Variants in NR3C2 observed in about 807,000 individuals in gnomAD.
NR3C2 encodes the protein nuclear receptor subfamily 3 group C member 2, also known as mineralocorticoid receptor.
A neutral mutation model predicts 86.4 loss-of-function variants in NR3C2; 15 were observed. That is an observed-to-expected ratio of 0.17 (90% CI 0.12 to 0.27). The LOEUF is 0.27. Ranked by LOEUF, NR3C2 falls within the 10% of genes least tolerant of loss-of-function variation. The probability of loss-of-function intolerance (pLI) is 1.00; values close to 1 mark genes in which losing one functional copy is unlikely to be tolerated. For synonymous variants in NR3C2, 458 were observed against 450.5 expected (o/e 1.02, Z -0.21); for missense variants, 960 against 1,195.6 (o/e 0.80, Z 2.91).
At chr4:148,273,867 T>C (rs751320934) in intron 2 of NR3C2, among the ~76,000 whole-genome samples, 22 of 152,152 alleles carry the variant, frequency 1.4e-4, no homozygotes, top group Non-Finnish European at 2.2e-4. Context: ...GATCCTGCAG[T>C]GTGCACAGGG....
chr4:148,104,346 T>TGG (rs1731693180), intron 8 of NR3C2, among the ~76,000 whole-genome samples: 3 of 62,380 alleles, frequency 4.8e-5, no homozygotes, highest in East Asian at 7.0e-4. Context: ...GGTTTGGTTT[T>TGG]TTTTTTTTTT....
intron 2 of NR3C2, among the ~76,000 whole-genome samples, chr4:148,329,882 A>C (rs1744148334): frequency 6.6e-6 from 1 of 152,248 alleles, no homozygotes; most frequent in South Asian, 2.1e-4. Context: ...ATGTTAGTTT[A>C]ACTTGAAACC....
chr4:148,396,258 A>AATTTCATAT (rs1203884422), intron 2 of NR3C2, among the ~76,000 whole-genome samples: 1 of 152,214 alleles, frequency 6.6e-6, no homozygotes, highest in Admixed American at 6.5e-5. Flanking sequence ...GCAGCACATA[A>AATTTCATAT]ATTTCATATA....
At chr4:148,115,908 TTTATTTTAAAA>T (rs753098171) in intron 7 of NR3C2, among the ~76,000 whole-genome samples, 33 of 152,146 alleles carry the variant, frequency 2.2e-4, no homozygotes, top group Non-Finnish European at 4.7e-4. Context: ...TCCTGAAAAC[TTTATTTTAAAA>T]GTAAAAAAAC....
intron 2 of NR3C2, among the ~76,000 whole-genome samples, chr4:148,282,951 A>C (rs1218128525): frequency 6.6e-6 from 1 of 152,206 alleles, no homozygotes; most frequent in Non-Finnish European, 1.5e-5. Flanking sequence ...AGGGAATATG[A>C]GGAATACAAA....
chr4:148,281,189 C>G (rs1741218757), intron 2 of NR3C2, among the ~76,000 whole-genome samples: 2 of 152,174 alleles, frequency 1.3e-5, no homozygotes. Flanking sequence ...GAGGAGCAGA[C>G]TGTGGTACTA....
intron 2 of NR3C2, among the ~76,000 whole-genome samples, chr4:148,339,184 A>G (rs1273641955): frequency 6.6e-6 from 1 of 152,214 alleles, no homozygotes; most frequent in Non-Finnish European, 1.5e-5. Context: ...GCAGACGATC[A>G]GCCTGGAAGG....
At chr4:148,137,003 G>C (rs761089642) in intron 6 of NR3C2, among the ~76,000 whole-genome samples, 1 of 152,178 alleles carries the variant, frequency 6.6e-6, no homozygotes, top group Non-Finnish European at 1.5e-5. Context: ...ACTGACTGGC[G>C]AAAGGCTGGT....
Position 148,192,238 on chromosome 4 carries a change from G to A in NR3C2, c.2014+2508C>T, listed in dbSNP as rs7699209. Among the ~76,000 whole-genome samples, 158 of 152,298 alleles carry A rather than the reference G, an allele frequency of 1.0e-3. 2 individuals carry two copies. The highest frequency in any genetic ancestry group is 3.8e-3 in the African/African-American group (156 of 41,574). On this transcript the variant is annotated intron_variant, in intron 4 of 8. Transcript: ENST00000358102. ...GATGTGGTTTCCTGTGAGCCAAACT[G>A]CAGTGATTGTTGTCTCTCTTCTAGC... is the stretch of plus-strand genomic sequence containing the variant.
intron 2 of NR3C2, among the ~76,000 whole-genome samples, chr4:148,324,129 C>T (rs1743815818): frequency 6.6e-6 from 1 of 152,078 alleles, no homozygotes; most frequent in Non-Finnish European, 1.5e-5. Flanking sequence ...CCAGAGAAAA[C>T]AGCATCAACC....
chr4:148,210,008 T>C (rs116534903), intron 3 of NR3C2, among the ~76,000 whole-genome samples: 1,779 of 152,252 alleles, frequency 0.012, 13 homozygotes, highest in Non-Finnish European at 0.02. Flanking sequence ...GGTGCAACTT[T>C]CCCTTGGGCT....
intron 2 of NR3C2, among the ~76,000 whole-genome samples, chr4:148,402,485 C>A (rs190423075): frequency 2.7e-3 from 417 of 152,330 alleles, no homozygotes; most frequent in Non-Finnish European, 5.4e-3. Flanking sequence ...CATAATTTCA[C>A]ACAAAGTATC....
intron 2 of NR3C2, among the ~76,000 whole-genome samples, chr4:148,425,376 G>T (rs1053353564): frequency 6.6e-6 from 1 of 152,206 alleles, no homozygotes; most frequent in Non-Finnish European, 1.5e-5. Context: ...GACAAAGAAG[G>T]TGATGTGTTA....
intron 4 of NR3C2, among the ~76,000 whole-genome samples, chr4:148,166,777 T>C (rs1734898621): frequency 1.3e-5 from 2 of 151,458 alleles, no homozygotes; most frequent in Non-Finnish European, 2.9e-5. Flanking sequence ...GATTGAACAA[T>C]AGACTTGGAT....
At chr4:148,414,473 A>G (rs1425793262) in intron 2 of NR3C2, among the ~76,000 whole-genome samples, 1 of 152,208 alleles carries the variant, frequency 6.6e-6, no homozygotes, top group Non-Finnish European at 1.5e-5. Context: ...ATAAAGAGAT[A>G]AATAAGGCAT....
At chr4:148,413,761 A>C (rs1386004974) in intron 2 of NR3C2, among the ~76,000 whole-genome samples, 2 of 152,170 alleles carry the variant, frequency 1.3e-5, no homozygotes, top group Non-Finnish European at 2.9e-5. Context: ...TTCACATTTA[A>C]ATTACAAATG....
Position 148,328,197 on chromosome 4 carries a change from C to T in NR3C2, c.1758-68080G>A, listed in dbSNP as rs1005009570. ...ATGGATCCTTCTACTGCCCTCTTTG[C>T]CTGTAGCAGCATAAACCCACATAGT... On this transcript the variant is annotated intron_variant, in intron 2 of 8. Coordinates refer to ENST00000358102, the MANE Select transcript of NR3C2 (RefSeq NM_000901.5). Among the ~76,000 whole-genome samples, 4 of 152,102 alleles carry T rather than the reference C, an allele frequency of 2.6e-5. 1 individual carries two copies. The highest frequency in any genetic ancestry group is 2.0e-4 in the Admixed American group (3 of 15,270).
intron 8 of NR3C2, 34 bp from the exon 9 acceptor site, chr4:148,081,533 G>A (rs371772757): frequency 8.1e-6 from 13 of 1,610,934 alleles, no homozygotes; most frequent in African/African-American, 2.7e-5. Flanking sequence ...TGACACGGGG[G>A]CCTCCTTTCC....
At chr4:148,344,789 G>C (rs1420910345) in intron 2 of NR3C2, among the ~76,000 whole-genome samples, 3 of 152,176 alleles carry the variant, frequency 2.0e-5, no homozygotes, top group Non-Finnish European at 4.4e-5. Flanking sequence ...ACATTATCAA[G>C]AGTTGCATCT....
Sources: gnomAD v4.1 joint callset for allele counts (sites outside exome capture counted in the v4.1 genomes callset) on GRCh38, gnomAD v4.1.1 for gene constraint, MANE v1.5 for transcripts, NCBI Gene and HGNC (gene_info 2026-07-23, HGNC 2026-07-21) for gene names.